RFTN1: variants seen among roughly 807,000 people sequenced by gnomAD.
The protein encoded by RFTN1 is raftlin, lipid raft linker 1, also known as raftlin.
RFTN1 carries 26 observed loss-of-function variants against 46.5 expected under a neutral mutation model. The ratio of observed to expected loss-of-function variants is 0.56; its 90% CI spans 0.41 to 0.78. RFTN1 has a LOEUF of 0.78. Among genes scored for constraint, RFTN1 ranks in the 30% least tolerant of loss-of-function variants. The probability of loss-of-function intolerance (pLI) is 0.00; values close to 1 mark genes in which losing one functional copy is unlikely to be tolerated. For synonymous variants in RFTN1, 261 were observed against 284.2 expected (o/e 0.92, Z 0.82); for missense variants, 693 against 718.7 (o/e 0.96, Z 0.41).
At chr3:16,496,515 G>A (rs1393144003) in intron 1 of RFTN1, among the ~76,000 whole-genome samples, 1 of 152,200 alleles carries the variant, frequency 6.6e-6, no homozygotes, top group Non-Finnish European at 1.5e-5. Flanking sequence ...GAAATGAAGG[G>A]AAGACCACAG....
chr3:16,323,412 AG>A lies in RFTN1; in HGVS notation c.1295del (p.Pro432LeufsTer28). On this transcript the variant is annotated frameshift_variant, in exon 9 of 10. Transcript: ENST00000334133. LOFTEE classifies it low-confidence loss of function (END_TRUNC). The stretch of plus-strand genomic sequence containing the variant: ...TCTTCTTGATTTTCTGAGGTAGACA[AG>A]GTCTCTGAAGAAAGACAATCTGCTT... ...STKQIVFLQR[P>X]CLPQKIKKKE... The A allele has an allele frequency of 3.1e-6, 5 of 1,610,854 alleles. No homozygotes were observed. Among genetic ancestry groups the A allele is most frequent in the Non-Finnish European group, 4.2e-6 (5 of 1,177,414 alleles).
intron 1 of RFTN1, among the ~76,000 whole-genome samples, chr3:16,505,624 G>A (rs967938855): frequency 6.6e-6 from 1 of 152,308 alleles, no homozygotes; most frequent in African/African-American, 2.4e-5. Context: ...GTTCCTTCTT[G>A]TGGATCTCAG....
chr3:16,495,590 T>C (rs116441096), intron 1 of RFTN1, among the ~76,000 whole-genome samples: 2,187 of 152,116 alleles, frequency 0.014, 16 homozygotes, highest in Non-Finnish European at 0.021. Context: ...GCTGGACAGA[T>C]CCCAAATTTG....
rs1239169721 is a variant in RFTN1 at position 16,402,192 on chromosome 3, T to C, written c.441+7183A>G. On this transcript the variant is annotated intron_variant, in intron 4 of 9. Coordinates refer to ENST00000334133, the MANE Select transcript of RFTN1 (RefSeq NM_015150.2). This position sits in a 1 kb window ranked among gnomAD's most constrained non-coding sequence, Gnocchi z 4.5. The stretch of plus-strand genomic sequence containing the variant: ...CACCTGAGTCACCCAGGTGTCATCC[T>C]TGGCACCTCTCTCTCCTTCAATGAC... 6.6e-6 allele frequency among the ~76,000 whole-genome samples: 1 copy of C among 152,228 alleles called. No homozygotes were observed. Among genetic ancestry groups the C allele is most frequent in the South Asian group, 2.1e-4 (1 of 4,832 alleles).
At chr3:16,355,612 G>T (rs984229547) in intron 7 of RFTN1, among the ~76,000 whole-genome samples, 18 of 152,168 alleles carry the variant, frequency 1.2e-4, no homozygotes, top group Non-Finnish European at 2.5e-4. Flanking sequence ...CACCTTGTGG[G>T]GTACAGTTCC....
At position 16,350,168 on chromosome 3, in the gene RFTN1, A is replaced by G. The variant is rs538056829; in HGVS notation, c.1146+7764T>C. Reference sequence around the variant, plus strand: ...CTGCAACTTAATTTTCTCGTTTAACATTTCCTGTAATTCCTTCCATGTCAG... The same window carrying G: ...CTGCAACTTAATTTTCTCGTTTAACGTTTCCTGTAATTCCTTCCATGTCAG... On this transcript the variant is annotated intron_variant, in intron 7 of 9. Coordinates refer to ENST00000334133, the MANE Select transcript of RFTN1 (RefSeq NM_015150.2). 9.2e-5 allele frequency: 14 copies of G among 152,328 alleles called. No homozygotes were observed. In the South Asian group the frequency reaches 1.5e-3, roughly 16 times the overall value. The allele number at this position is 152,328 out of a possible 1,614,324, so 9.4% of individuals were successfully genotyped here.
At position 16,433,833 on chromosome 3, in the gene RFTN1, C is replaced by T. The variant is rs920562874; in HGVS notation, c.332+18G>A. ...TAGCCGCAACAGGATGCTACCCATT[C>T]ACCCGTGGAGGCCTTACCTGTCGGT... On this transcript the variant is annotated intron_variant, in intron 3 of 9. Transcript: ENST00000334133. The surrounding 1 kb of genome is among the most constrained non-coding windows in gnomAD (Gnocchi z 4.4). The T allele has an allele frequency of 6.2e-7, 1 of 1,613,254 alleles. No homozygotes were observed. The highest frequency in any genetic ancestry group is 1.3e-5 in the African/African-American group (1 of 74,910).
At chr3:16,354,656 G>C (rs1250817781) in intron 7 of RFTN1, among the ~76,000 whole-genome samples, 1 of 152,212 alleles carries the variant, frequency 6.6e-6, no homozygotes, top group Non-Finnish European at 1.5e-5. Flanking sequence ...ACAGTAGCCT[G>C]GCCAACCTTG....
rs11928652 is a variant in RFTN1, at chr3:16,508,698, A to G, written c.-9+4744T>C. Among the ~76,000 whole-genome samples, 237 of 92,044 alleles carry G rather than the reference A, an allele frequency of 2.6e-3. 2 individuals carry two copies. The highest frequency in any genetic ancestry group is 0.016 in the Admixed American group (152 of 9,788). The allele number at this position is 92,044 out of a possible 152,430, so 60.4% of individuals were successfully genotyped here. A position where few individuals can be genotyped will look rare whatever the true frequency, so the allele number is the denominator to read the frequency against. ...ATGGAAGGAAAGATCACACGCACGC[A>G]CACACACACACACACACACACACAC... On this transcript the variant is annotated intron_variant, in intron 1 of 9. Coordinates refer to ENST00000334133, the MANE Select transcript of RFTN1 (RefSeq NM_015150.2).
Position 16,361,788 on chromosome 3 carries a change from G to C in RFTN1, c.1031-3741C>G, listed in dbSNP as rs529448319. Among the ~76,000 whole-genome samples the C allele has an allele frequency of 6.6e-6, 1 of 152,214 alleles. No homozygotes were observed. Among genetic ancestry groups the C allele is most frequent in the Non-Finnish European group, 1.5e-5 (1 of 68,040 alleles). On this transcript the variant is annotated intron_variant, in intron 6 of 9. Transcript: ENST00000334133. The surrounding 1 kb of genome is among the most constrained non-coding windows in gnomAD (Gnocchi z 4.3). Reference sequence around the variant, plus strand: ...GCAGAGACATAAAAAGCACGTGTGTGGTTGAACTTGGCCTCTTGTGTCTTG... The same window carrying C: ...GCAGAGACATAAAAAGCACGTGTGTCGTTGAACTTGGCCTCTTGTGTCTTG...
chr3:16,510,816 G>A (rs2076887381), intron 1 of RFTN1, among the ~76,000 whole-genome samples: 1 of 152,256 alleles, frequency 6.6e-6, no homozygotes, highest in African/African-American at 2.4e-5. Context: ...ACAGAGACTT[G>A]TACACAAATG....
Position 16,334,909 on chromosome 3 carries a change from A to G in RFTN1, c.1147-8033T>C, listed in dbSNP as rs2125261680. ...AGGCAGGAAGGCCAGAGTCAGAGGAAGAGATGTGATGGCAGCAGCAGAGGC... is the reference window on the plus strand; with the variant it reads ...AGGCAGGAAGGCCAGAGTCAGAGGAGGAGATGTGATGGCAGCAGCAGAGGC... On this transcript the variant is annotated intron_variant, in intron 7 of 9. Transcript: ENST00000334133. The surrounding 1 kb of genome is among the most constrained non-coding windows in gnomAD (Gnocchi z 4.3). Among the ~76,000 whole-genome samples, 1 of 152,296 alleles carries G rather than the reference A, an allele frequency of 6.6e-6. No individual in the cohort carries two copies. The highest frequency in any genetic ancestry group is 2.4e-5 in the African/African-American group (1 of 41,574).
rs928016766 is a variant in RFTN1 at position 16,400,211 on chromosome 3, A to T, written c.441+9164T>A. Among the ~76,000 whole-genome samples the T allele has an allele frequency of 6.6e-6, 1 of 152,046 alleles. No individual in the cohort carries two copies. Among genetic ancestry groups the T allele is most frequent in the African/African-American group, 2.4e-5 (1 of 41,382 alleles). On this transcript the variant is annotated intron_variant, in intron 4 of 9. Transcript: ENST00000334133. The surrounding 1 kb of genome is among the most constrained non-coding windows in gnomAD (Gnocchi z 4.5). ...ACTCCACCTCACTCACCCCTCTGTC[A>T]TTTGCAGGCAAGACAGTGAACTCCC...
chr3:16,364,790 C>T (rs1009889571), intron 6 of RFTN1, among the ~76,000 whole-genome samples: 14 of 152,180 alleles, frequency 9.2e-5, no homozygotes, highest in Non-Finnish European at 8.8e-5. Flanking sequence ...ATGAATGAAT[C>T]CCACAATGAC....
intron 4 of RFTN1, among the ~76,000 whole-genome samples, chr3:16,398,407 G>T (rs972244466): frequency 2.0e-5 from 3 of 152,102 alleles, no homozygotes; most frequent in African/African-American, 7.2e-5. Context: ...ATGGAAAACA[G>T]AAACTCCAAA....
At chr3:16,368,982 A>C (rs995904467) in intron 6 of RFTN1, among the ~76,000 whole-genome samples, 24 of 152,224 alleles carry the variant, frequency 1.6e-4, no homozygotes, top group African/African-American at 5.8e-4. Context: ...TCATTCATGC[A>C]TTCAACAAAT....
chr3:16,508,309 T>C (rs1343862017), intron 1 of RFTN1, among the ~76,000 whole-genome samples: 2 of 152,176 alleles, frequency 1.3e-5, no homozygotes, highest in Non-Finnish European at 2.9e-5. Context: ...CCAGGAAAAC[T>C]CTAAACGAAG....
intron 6 of RFTN1, among the ~76,000 whole-genome samples, chr3:16,364,003 C>T (rs1259755665): frequency 6.6e-6 from 1 of 152,254 alleles, no homozygotes; most frequent in African/African-American, 2.4e-5. Flanking sequence ...CACACTGCAG[C>T]TAATTTGCTC....
At chr3:16,399,309 A>C (rs1236537464) in intron 4 of RFTN1, among the ~76,000 whole-genome samples, 2 of 152,224 alleles carry the variant, frequency 1.3e-5, no homozygotes, top group Admixed American at 1.3e-4. Context: ...TCCTAGGACT[A>C]AGGCAAAAAC....
Sources: gnomAD v4.1 joint callset for allele counts (sites outside exome capture counted in the v4.1 genomes callset) on GRCh38, gnomAD v4.1.1 for gene constraint, Gnocchi (gnomAD v3.1) non-coding constraint, MANE v1.5 for transcripts, NCBI Gene and HGNC (gene_info 2026-07-23, HGNC 2026-07-21) for gene names.